Variants in PLEKHA2 observed in about 807,000 individuals in gnomAD.
PLEKHA2 encodes pleckstrin homology domain-containing family A member 2.
A neutral mutation model predicts 53.2 loss-of-function variants in PLEKHA2; 28 were observed. The ratio of observed to expected loss-of-function variants is 0.53; its 90% CI spans 0.39 to 0.72. The LOEUF (loss-of-function observed/expected upper bound fraction) is 0.72. Ranked by LOEUF, PLEKHA2 falls within the 30% of genes least tolerant of loss-of-function variation. PLEKHA2 has a pLI of 0.00. For missense variants in PLEKHA2, 426 were observed against 537.9 expected (o/e 0.79, Z 2.06); for synonymous variants, 193 against 196.4 (o/e 0.98, Z 0.14).
intron 2 of PLEKHA2, among the ~76,000 whole-genome samples, chr8:38,925,233 C>T (rs1055654724): frequency 1.6e-4 from 24 of 152,110 alleles, no homozygotes; most frequent in African/African-American, 2.9e-4. Flanking sequence ...ATGGCACTAG[C>T]GCTTGTATTT....
rs1834324066 is a variant in PLEKHA2 at position 38,928,279 on chromosome 8, C to T, written c.142-7715C>T. 2.3e-5 allele frequency among the ~76,000 whole-genome samples: 3 copies of T among 133,148 alleles called. No homozygotes were observed. In the South Asian group the frequency reaches 8.0e-4, roughly 35 times the overall value. 87.4% of individuals were successfully genotyped at this position (133,148 alleles called of 152,430 possible). On this transcript the variant is annotated intron_variant, in intron 2 of 11. Transcript: ENST00000617275. ...TTTCTTTTTGAGATGGAGTCTCACTCACTCTGTCACCCAGGCTGGAGTGCA... is the reference window on the plus strand; with the variant it reads ...TTTCTTTTTGAGATGGAGTCTCACTTACTCTGTCACCCAGGCTGGAGTGCA...
At chr8:38,934,233 C>G (rs894183640) in intron 2 of PLEKHA2, among the ~76,000 whole-genome samples, 1 of 152,056 alleles carries the variant, frequency 6.6e-6, no homozygotes, top group African/African-American at 2.4e-5. Context: ...GTCCTGGTCT[C>G]AAGCAGTCCC....
chr8:38,966,317 G>C (rs942980867), intron 10 of PLEKHA2, among the ~76,000 whole-genome samples: 1 of 151,654 alleles, frequency 6.6e-6, no homozygotes, highest in South Asian at 2.1e-4. Flanking sequence ...GGGGGGATGA[G>C]GGGGGATGTG....
At chr8:38,967,022 C>T (rs201417985) in intron 10 of PLEKHA2, among the ~76,000 whole-genome samples, 1 of 151,610 alleles carries the variant, frequency 6.6e-6, no homozygotes, top group Non-Finnish European at 1.5e-5. Context: ...ATTTAGCTCC[C>T]AGTTATAAGT....
At chr8:38,923,053 C>T (rs959348629) in intron 2 of PLEKHA2, among the ~76,000 whole-genome samples, 3 of 152,182 alleles carry the variant, frequency 2.0e-5, no homozygotes, top group Non-Finnish European at 2.9e-5. Flanking sequence ...AGGAAAACAA[C>T]ACACACAAAA....
At chr8:38,955,866 T>G (rs1834929966) in intron 9 of PLEKHA2, among the ~76,000 whole-genome samples, 1 of 152,238 alleles carries the variant, frequency 6.6e-6, no homozygotes, top group Non-Finnish European at 1.5e-5. Flanking sequence ...GTCCCCAGAT[T>G]GGAGTGCAAT....
chr8:38,967,529 T>A (rs1209077595), intron 10 of PLEKHA2, among the ~76,000 whole-genome samples: 1 of 152,212 alleles, frequency 6.6e-6, no homozygotes, highest in Non-Finnish European at 1.5e-5. Flanking sequence ...TTTGTCCTAA[T>A]AATAGCTATT....
At chr8:38,964,747 G>C (rs1319650478) in intron 10 of PLEKHA2, among the ~76,000 whole-genome samples, 1 of 150,960 alleles carries the variant, frequency 6.6e-6, no homozygotes, top group Non-Finnish European at 1.5e-5. Context: ...TTGTATTTTG[G>C]AAAACAGAAA....
intron 1 of PLEKHA2, among the ~76,000 whole-genome samples, chr8:38,904,520 A>G (rs781290569): frequency 5.9e-5 from 9 of 152,248 alleles, no homozygotes; most frequent in Non-Finnish European, 1.2e-4. Context: ...ATGATTGCCC[A>G]TGGCTGGATC....
At chr8:38,909,297 T>C (rs1378038922) in intron 1 of PLEKHA2, among the ~76,000 whole-genome samples, 1 of 152,204 alleles carries the variant, frequency 6.6e-6, no homozygotes, top group Admixed American at 6.5e-5. Context: ...AGAAGTAGAA[T>C]CACTGGGTCA....
chr8:38,940,398 C>T lies in PLEKHA2; in HGVS notation c.199-3391C>T, dbSNP rs144231232. 3.1e-3 allele frequency among the ~76,000 whole-genome samples: 473 copies of T among 151,778 alleles called. 5 individuals are homozygous for T. Among genetic ancestry groups the T allele is most frequent in the African/African-American group, 0.011 (446 of 41,386 alleles). ...TGGGTGACAGAGCAAGACTCTGTCT[C>T]AAATAAATAAATAAAGCTGGAAGTA... On this transcript the variant is annotated intron_variant, in intron 3 of 11. Transcript: ENST00000617275.
At position 38,969,766 on chromosome 8, in the gene PLEKHA2, C is replaced by CG; in HGVS notation, c.1263dup (p.Thr422AspfsTer3). On this transcript the variant is annotated frameshift_variant, in exon 12 of 12. Coordinates refer to ENST00000617275, the MANE Select transcript of PLEKHA2 (RefSeq NM_021623.2). LOFTEE classifies it high-confidence loss of function. ...GTTCAACCTTGATGATGAAAACATA[C>CG]GGACCTCTGATGTGTGATGGAGCAC... The CG allele has an allele frequency of 7.6e-7, 1 of 1,313,514 alleles. No individual in the cohort carries two copies. The highest frequency in any genetic ancestry group is 1.6e-5 in the African/African-American group (1 of 63,568). 81.4% of individuals were successfully genotyped at this position (1,313,514 alleles called of 1,614,324 possible).
At chr8:38,933,383 C>T (rs1834429525) in intron 2 of PLEKHA2, among the ~76,000 whole-genome samples, 1 of 152,182 alleles carries the variant, frequency 6.6e-6, no homozygotes, top group Admixed American at 6.5e-5. Context: ...ATTAATGTCA[C>T]AGCTAGAATT....
At chr8:38,913,541 G>T (rs535390282) in intron 1 of PLEKHA2, among the ~76,000 whole-genome samples, 133 of 152,164 alleles carry the variant, frequency 8.7e-4, no homozygotes, top group Non-Finnish European at 1.3e-3. Flanking sequence ...CAAGAGTAGC[G>T]ATAGTCCTTG....
At position 38,973,217 on chromosome 8, in the gene PLEKHA2, G is replaced by A. The variant is rs1835284348; in HGVS notation, c.*3434G>A. 6.6e-6 allele frequency: 1 copy of A among 152,046 alleles called. No individual in the cohort carries two copies. Among genetic ancestry groups the A allele is most frequent in the African/African-American group, 2.4e-5 (1 of 41,386 alleles). The allele number at this position is 152,046 out of a possible 1,614,324, so 9.4% of individuals were successfully genotyped here. ...AGTGAGACATCATAAGGGTATTGAG[G>A]TATACATTATGGAGATTGATGTCAG... On this transcript the variant is annotated 3_prime_UTR_variant, in exon 12 of 12. Transcript: ENST00000617275.
At chr8:38,940,660 G>GGGC (rs1834593098) in intron 3 of PLEKHA2, among the ~76,000 whole-genome samples, 8 of 97,896 alleles carry the variant, frequency 8.2e-5, no homozygotes, top group African/African-American at 3.1e-4. Context: ...CGGGGGGGGG[G>GGGC]GGTCAGAAAC....
chr8:38,944,703 C>T (rs534850520), intron 4 of PLEKHA2, among the ~76,000 whole-genome samples: 1 of 152,174 alleles, frequency 6.6e-6, no homozygotes, highest in African/African-American at 2.4e-5. Flanking sequence ...ATCCAGTCAC[C>T]TCCCACCAGG....
At chr8:38,964,855 T>C (rs1338149011) in intron 10 of PLEKHA2, among the ~76,000 whole-genome samples, 32 of 53,612 alleles carry the variant, frequency 6.0e-4, no homozygotes, top group African/African-American at 2.2e-3. Flanking sequence ...TACTTCCCTT[T>C]TTTTTTTTTT....
At chr8:38,916,021 G>A (rs1204642550) in intron 1 of PLEKHA2, among the ~76,000 whole-genome samples, 3 of 152,106 alleles carry the variant, frequency 2.0e-5, no homozygotes, top group Non-Finnish European at 4.4e-5. Flanking sequence ...TGTTGCCCAG[G>A]CTGGAGTGCA....
Sources: allele counts gnomAD v4.1 joint callset (sites outside exome capture counted in the v4.1 genomes callset), GRCh38; gene constraint gnomAD v4.1.1; transcripts MANE v1.5; gene names NCBI Gene and HGNC (gene_info 2026-07-23, HGNC 2026-07-21).